DNAH6: variants seen among roughly 807,000 people sequenced by gnomAD.
DNAH6 encodes axonemal beta dynein heavy chain 6.
Under a neutral mutation model 491.4 loss-of-function variants are expected in DNAH6, and 340 were observed. That is an observed-to-expected ratio of 0.69 (90% confidence interval 0.63 to 0.76). The LOEUF (loss-of-function observed/expected upper bound fraction) is 0.76, where lower values mean the gene tolerates loss of function less well. DNAH6 is among the 30% of genes least tolerant of loss of function. DNAH6 has a pLI of 0.00. For missense variants in DNAH6, 4,443 were observed against 4,972.2 expected, an observed-to-expected ratio of 0.89 and a Z score of 3.20; for synonymous variants, 1,603 against 1,686.1, an observed-to-expected ratio of 0.95 and a Z score of 1.21.
chr2:84,601,116 T>TA (rs1685204944), intron 18 of DNAH6, among the ~76,000 whole-genome samples: 1 of 144,454 alleles, frequency 6.9e-6, no homozygotes, highest in South Asian at 2.1e-4. Context: ...TCAGGAAATA[T>TA]ACAAGATGAA....
At chr2:84,518,837 C>A (rs1448405876) in intron 2 of DNAH6, among the ~76,000 whole-genome samples, 1 of 152,140 alleles carries the variant, frequency 6.6e-6, no homozygotes, top group African/African-American at 2.4e-5. Flanking sequence ...TGTTGACATT[C>A]TAGTAATTCT....
intron 64 of DNAH6, among the ~76,000 whole-genome samples, chr2:84,776,806 G>C (rs2105202264): frequency 6.6e-6 from 1 of 152,278 alleles, no homozygotes; most frequent in South Asian, 2.1e-4. Context: ...TATGTTTATT[G>C]CAACACTATT....
At chr2:84,722,045 A>C (rs1473030466) in intron 59 of DNAH6, among the ~76,000 whole-genome samples, 1 of 152,144 alleles carries the variant, frequency 6.6e-6, no homozygotes, top group Non-Finnish European at 1.5e-5. Flanking sequence ...AAACCAAAAG[A>C]CCTTGAAAGC....
At chr2:84,550,728 G>A (rs1184435512) in intron 9 of DNAH6, among the ~76,000 whole-genome samples, 1 of 152,114 alleles carries the variant, frequency 6.6e-6, no homozygotes, top group Non-Finnish European at 1.5e-5. Context: ...GAAAAGCATA[G>A]ATAGGATCTT....
intron 29 of DNAH6, among the ~76,000 whole-genome samples, chr2:84,626,773 T>C (rs1397709244): frequency 6.6e-6 from 1 of 152,146 alleles, no homozygotes; most frequent in African/African-American, 2.4e-5. Flanking sequence ...GGCTAATTTT[T>C]GTATTTTTAG....
At chr2:84,743,808 C>T (rs1476219929) in intron 62 of DNAH6, among the ~76,000 whole-genome samples, 1 of 152,168 alleles carries the variant, frequency 6.6e-6, no homozygotes, top group Admixed American at 6.5e-5. Context: ...GGCAACAGAG[C>T]AAGAATCTGT....
At chr2:84,649,801 A>G (rs1451426254) in intron 33 of DNAH6, among the ~76,000 whole-genome samples, 3 of 152,244 alleles carry the variant, frequency 2.0e-5, no homozygotes, top group East Asian at 3.9e-4. Flanking sequence ...AGAAAACCAA[A>G]CACCACATGT....
At chr2:84,535,240 A>C (rs1460064271) in intron 4 of DNAH6, among the ~76,000 whole-genome samples, 1 of 151,948 alleles carries the variant, frequency 6.6e-6, no homozygotes, top group Non-Finnish European at 1.5e-5. Flanking sequence ...TTGCTCATTT[A>C]TAAGGAAAAT....
chr2:84,717,675 A>G (rs1697674532), intron 58 of DNAH6, among the ~76,000 whole-genome samples: 1 of 152,244 alleles, frequency 6.6e-6, no homozygotes, highest in African/African-American at 2.4e-5. Context: ...GGAGACTGGG[A>G]GCAAATTATG....
Position 84,705,560 on chromosome 2 carries a change from A to T in DNAH6, c.8540A>T (p.Glu2847Val). The change falls in exon 52 of 77, where the codon GAG becomes GTG. Residue 2847 changes from glutamate to valine, a missense_variant. This residue lies in a region of DNAH6 where 1,463 missense variants were observed against 1,656.6 expected (regional missense o/e 0.88). Coordinates refer to ENST00000389394, the MANE Select transcript of DNAH6 (RefSeq NM_001370.2). Reference protein sequence around the residue: ...FLKRLLEYDKENIKPQILAKL... With the variant: ...FLKRLLEYDKVNIKPQILAKL... ...AAAAGGCTTTTAGAATATGATAAGG[A>T]GAACATAAAGCCTCAGATATTGGCA... The T allele has an allele frequency of 6.4e-7, 1 of 1,551,660 alleles. No individual in the cohort carries two copies. The highest frequency in any genetic ancestry group is 1.2e-5 in the South Asian group (1 of 84,066).
At chr2:84,484,518 A>C in the DNAH6 span, among the ~76,000 whole-genome samples, 1 of 152,126 alleles carries the variant, frequency 6.6e-6, no homozygotes, top group African/African-American at 2.4e-5. Context: ...TTGTGGGGGA[A>C]AGTTTCTTCC....
At chr2:84,657,351 T>C (rs1691081169) in intron 35 of DNAH6, among the ~76,000 whole-genome samples, 1 of 152,026 alleles carries the variant, frequency 6.6e-6, no homozygotes, top group Admixed American at 6.6e-5. Context: ...AGTTTGTCAA[T>C]TAATCCACAA....
At chr2:84,556,846 A>C (rs1680078506) in intron 10 of DNAH6, among the ~76,000 whole-genome samples, 1 of 152,184 alleles carries the variant, frequency 6.6e-6, no homozygotes, top group South Asian at 2.1e-4. Context: ...ATTATATCAT[A>C]AGCTTTTTCT....
chr2:84,506,077 A>C, the DNAH6 span, among the ~76,000 whole-genome samples: 4 of 152,338 alleles, frequency 2.6e-5, no homozygotes, highest in East Asian at 7.7e-4. Context: ...TATACCCAGT[A>C]ATGGGATTGC....
chr2:84,593,337 A>C (rs548577032), intron 16 of DNAH6, among the ~76,000 whole-genome samples: 1 of 152,274 alleles, frequency 6.6e-6, no homozygotes, highest in South Asian at 2.1e-4. Context: ...ACAAGACTAA[A>C]TTCCTAATGT....
intron 18 of DNAH6, among the ~76,000 whole-genome samples, chr2:84,600,748 C>G (rs1043979194): frequency 2.0e-5 from 3 of 151,806 alleles, no homozygotes; most frequent in Non-Finnish European, 4.4e-5. Flanking sequence ...TCAGCTTGAC[C>G]ACATGGCTGA....
At chr2:84,708,582 GGAAGGAAGGAAA>G (rs1272022168) in intron 54 of DNAH6, among the ~76,000 whole-genome samples, 4 of 145,712 alleles carry the variant, frequency 2.7e-5, no homozygotes, top group South Asian at 2.2e-4. Flanking sequence ...GAAGGAAGGA[GGAAGGAAGGAAA>G]GAAGGAAGGA....
intron 11 of DNAH6, among the ~76,000 whole-genome samples, chr2:84,570,155 A>T (rs1256020442): frequency 6.6e-6 from 1 of 152,174 alleles, no homozygotes; most frequent in Non-Finnish European, 1.5e-5. Flanking sequence ...AGAGAATATT[A>T]TTCACCTAAA....
chr2:84,519,192 A>G (rs1675897361), intron 2 of DNAH6, among the ~76,000 whole-genome samples: 1 of 151,974 alleles, frequency 6.6e-6, no homozygotes, highest in Non-Finnish European at 1.5e-5. Flanking sequence ...GATATCTGCA[A>G]TTTAGGCAGA....
Sources: allele counts gnomAD v4.1 joint callset (sites outside exome capture counted in the v4.1 genomes callset), GRCh38; gene constraint gnomAD v4.1.1; regional missense constraint gnomAD v4.1.1; transcripts MANE v1.5; gene names NCBI Gene and HGNC (gene_info 2026-07-23, HGNC 2026-07-21).